The following DAB2IP variants were observed in gnomAD, a reference collection of about 807,000 sequenced individuals.
DAB2IP encodes the protein DAB2 interacting protein.
DAB2IP carries 28 observed loss-of-function variants against 107.2 expected under a neutral mutation model. The observed-to-expected ratio is 0.26, with a 90% CI of 0.19 to 0.36. The LOEUF (loss-of-function observed/expected upper bound fraction) is 0.36, where lower values mean the gene tolerates loss of function less well. Ranked by LOEUF, DAB2IP falls within the 10% of genes least tolerant of loss-of-function variation. The pLI is 1.00. For missense variants in DAB2IP, 1,400 were observed against 1,644.7 expected, an observed-to-expected ratio of 0.85 and a Z score of 2.57; for synonymous variants, 755 against 706.4, an observed-to-expected ratio of 1.07 and a Z score of -1.09.
At chr9:121,569,695 C>A (rs1468135050) in intron 1 of DAB2IP, among the ~76,000 whole-genome samples, 2 of 152,194 alleles carry the variant, frequency 1.3e-5, no homozygotes. Context: ...GTGGTGCATG[C>A]CTTTAATCCC....
chr9:121,666,195 A>G (rs943724027), intron 1 of DAB2IP, among the ~76,000 whole-genome samples: 2 of 152,006 alleles, frequency 1.3e-5, no homozygotes, highest in African/African-American at 4.8e-5. Context: ...CCATCATCGC[A>G]TTGCTTTCTC....
chr9:121,605,062 C>T (rs768398555), intron 1 of DAB2IP, among the ~76,000 whole-genome samples: 1 of 152,228 alleles, frequency 6.6e-6, no homozygotes, highest in African/African-American at 2.4e-5. Flanking sequence ...TTCTGTCGCC[C>T]AGGCTGGAGT....
chr9:121,735,983 A>G (rs1268087197), intron 3 of DAB2IP, among the ~76,000 whole-genome samples: 1 of 152,092 alleles, frequency 6.6e-6, no homozygotes. Flanking sequence ...CCTGCACCCG[A>G]CCTTTCCCTT....
intron 1 of DAB2IP, among the ~76,000 whole-genome samples, chr9:121,590,193 G>T (rs73544269): frequency 0.014 from 2,100 of 151,014 alleles, 47 homozygotes; most frequent in African/African-American, 0.048. Context: ...AGAGGCAGAA[G>T]TGAGGTCTGT....
intron 3 of DAB2IP, among the ~76,000 whole-genome samples, chr9:121,722,194 C>T (rs1830976238): frequency 6.6e-6 from 1 of 152,222 alleles, no homozygotes; most frequent in African/African-American, 2.4e-5. Context: ...ATGCATGTGA[C>T]CTCCCCTGCC....
chr9:121,729,054 T>G (rs962393972), intron 3 of DAB2IP, among the ~76,000 whole-genome samples: 6 of 152,240 alleles, frequency 3.9e-5, no homozygotes, highest in Non-Finnish European at 7.3e-5. Context: ...TGTCATTTTT[T>G]AGTCTTTTGC....
At chr9:121,758,157 T>G (rs1833627438) in intron 4 of DAB2IP, among the ~76,000 whole-genome samples, 1 of 152,094 alleles carries the variant, frequency 6.6e-6, no homozygotes. Context: ...GTGAGGAGTG[T>G]GCTTCCCCTG....
chr9:121,699,522 G>A lies in DAB2IP; in HGVS notation c.362+64G>A, dbSNP rs1418352381. The A allele has an allele frequency of 1.7e-6, 2 of 1,185,318 alleles. No homozygotes were observed. Among genetic ancestry groups the A allele is most frequent in the South Asian group, 7.4e-5 (2 of 26,982 alleles). The allele number at this position is 1,185,318 out of a possible 1,614,324, so 73.4% of individuals were successfully genotyped here. On this transcript the variant is annotated intron_variant, in intron 3 of 15. Coordinates refer to ENST00000408936, the Ensembl canonical transcript of DAB2IP. The surrounding 1 kb of genome is among the most constrained non-coding windows in gnomAD (Gnocchi z 6.2). ...CCCCGGGCTGCGCCCCTGAGGACGC[G>A]GGGACAAAGCGCGAGCCCGGCCCGG...
intron 3 of DAB2IP, 67 bp from the exon 4 acceptor site, chr9:121,756,946 G>C (rs1250588312): frequency 6.2e-7 from 1 of 1,608,308 alleles, no homozygotes; most frequent in East Asian, 2.2e-5. Context: ...GGGCAGATGG[G>C]TGGGACATGG....
intron 1 of DAB2IP, among the ~76,000 whole-genome samples, chr9:121,663,199 C>T (rs1213312245): frequency 6.6e-6 from 1 of 152,094 alleles, no homozygotes; most frequent in Non-Finnish European, 1.5e-5. Context: ...AAAGGAAAAC[C>T]TGGGGACAAG....
rs1829822806 is a variant in DAB2IP, at chr9:121,702,188, T to C, written c.362+2730T>C. ...GCTGTCTGCGTGCTCCGCAAGCTGC[T>C]GTGTTGGGGAGGTGGTTTTTTTGCG... is the stretch of plus-strand genomic sequence containing the variant. On this transcript the variant is annotated intron_variant, in intron 3 of 15. Coordinates refer to ENST00000408936, the Ensembl canonical transcript of DAB2IP. This position sits in a 1 kb window ranked among gnomAD's most constrained non-coding sequence, Gnocchi z 4.5. Among the ~76,000 whole-genome samples, 1 of 152,206 alleles carries C rather than the reference T, an allele frequency of 6.6e-6. No homozygotes were observed. The highest frequency in any genetic ancestry group is 1.5e-5 in the Non-Finnish European group (1 of 68,026).
intron 3 of DAB2IP, among the ~76,000 whole-genome samples, chr9:121,707,335 C>T (rs891414199): frequency 6.6e-6 from 1 of 152,190 alleles, no homozygotes; most frequent in South Asian, 2.1e-4. Flanking sequence ...ACCCTTCTGC[C>T]GCCCCCCTCA....
exon 16 of DAB2IP, chr9:121,783,381 G>A (rs1835793933): frequency 6.5e-7 from 1 of 1,538,024 alleles, no homozygotes; most frequent in Non-Finnish European, 8.7e-7. Flanking sequence ...CTGGGGCCCA[G>A]CACACCCAGG....
At position 121,698,701 on chromosome 9, in the gene DAB2IP, G is replaced by T. The variant is rs1829559137; in HGVS notation, c.229-624G>T. ...TGGGAAGGAAAGTCGCCCGGAATCGGGGTCTAAGTGGCCAGGGCACTGCCA... is the reference window on the plus strand; with the variant it reads ...TGGGAAGGAAAGTCGCCCGGAATCGTGGTCTAAGTGGCCAGGGCACTGCCA... On this transcript the variant is annotated intron_variant, in intron 2 of 15. Transcript: ENST00000408936. This position sits in a 1 kb window ranked among gnomAD's most constrained non-coding sequence, Gnocchi z 4.1. 6.6e-6 allele frequency among the ~76,000 whole-genome samples: 1 copy of T among 152,204 alleles called. No homozygotes were observed. Among genetic ancestry groups the T allele is most frequent in the Non-Finnish European group, 1.5e-5 (1 of 68,024 alleles).
intron 11 of DAB2IP, among the ~76,000 whole-genome samples, chr9:121,771,057 A>G (rs1834687807): frequency 6.6e-6 from 1 of 152,234 alleles, no homozygotes; most frequent in Non-Finnish European, 1.5e-5. Context: ...CAGCATTTCC[A>G]GATCCCCTGA....
intron 1 of DAB2IP, among the ~76,000 whole-genome samples, chr9:121,645,814 G>A (rs1235237506): frequency 6.6e-6 from 1 of 152,210 alleles, no homozygotes; most frequent in Non-Finnish European, 1.5e-5. Context: ...CGAGGGAGAC[G>A]TGCATGTCCT....
At chr9:121,750,435 G>C (rs1057104666) in intron 3 of DAB2IP, among the ~76,000 whole-genome samples, 2 of 152,088 alleles carry the variant, frequency 1.3e-5, no homozygotes, top group Admixed American at 6.5e-5. Flanking sequence ...TCTTAAAGGG[G>C]CCCCCCGGCT....
intron 9 of DAB2IP, 91 bp from the exon 10 acceptor site, chr9:121,768,341 G>A (rs1587990331): frequency 3.6e-6 from 5 of 1,374,562 alleles, no homozygotes; most frequent in Non-Finnish European, 4.1e-6. Context: ...TGCCATAGTG[G>A]GGAAAGCGGG....
chr9:121,639,473 C>T (rs1417467431), intron 1 of DAB2IP, among the ~76,000 whole-genome samples: 3 of 152,196 alleles, frequency 2.0e-5, no homozygotes, highest in African/African-American at 7.2e-5. Context: ...AGCCCAGGAC[C>T]TGCTGAGGTC....
Sources: allele counts gnomAD v4.1 joint callset (sites outside exome capture counted in the v4.1 genomes callset), GRCh38; gene constraint gnomAD v4.1.1; non-coding constraint Gnocchi (gnomAD v3.1); transcripts MANE v1.5; gene names NCBI Gene and HGNC (gene_info 2026-07-23, HGNC 2026-07-21).